Variants in GMDS observed in about 807,000 individuals in gnomAD.
GMDS encodes the protein GDP-mannose 4,6-dehydratase.
A neutral mutation model predicts 49.9 loss-of-function variants in GMDS; 20 were observed. The observed-to-expected ratio is 0.40, with a 90% CI of 0.28 to 0.58. The LOEUF is 0.58. Ranked by LOEUF, GMDS falls within the 20% of genes least tolerant of loss-of-function variation. The probability of loss-of-function intolerance (pLI) is 0.42; values close to 1 mark genes in which losing one functional copy is unlikely to be tolerated. For missense variants in GMDS, 362 were observed against 481.4 expected, an observed-to-expected ratio of 0.75 and a Z score of 2.32; for synonymous variants, 177 against 178.6, an observed-to-expected ratio of 0.99 and a Z score of 0.07.
At chr6:1,756,325 G>A (rs1218887552) in intron 7 of GMDS, among the ~76,000 whole-genome samples, 3 of 150,394 alleles carry the variant, frequency 2.0e-5, no homozygotes, top group Non-Finnish European at 2.9e-5. Flanking sequence ...GTACAATGGC[G>A]CAATCTCAGC....
At chr6:1,789,536 T>C (rs1417594784) in intron 7 of GMDS, among the ~76,000 whole-genome samples, 64 of 42,760 alleles carry the variant, frequency 1.5e-3, no homozygotes, top group Admixed American at 9.5e-3. Context: ...TTTTTTCTTT[T>C]TTTTTTTTTT....
intron 9 of GMDS, among the ~76,000 whole-genome samples, chr6:1,673,540 T>C (rs1435122321): frequency 1.3e-5 from 2 of 152,052 alleles, no homozygotes; most frequent in African/African-American, 4.8e-5. Flanking sequence ...ACTGATGAAC[T>C]GATATTATTA....
intron 4 of GMDS, among the ~76,000 whole-genome samples, chr6:2,114,383 T>G (rs1774726431): frequency 6.6e-6 from 1 of 152,042 alleles, no homozygotes; most frequent in South Asian, 2.1e-4. Flanking sequence ...CTACCTCAAT[T>G]AGGGAAAAAT....
intron 2 of GMDS, among the ~76,000 whole-genome samples, chr6:2,124,310 A>G (rs921336600): frequency 1.3e-5 from 2 of 152,152 alleles, no homozygotes; most frequent in South Asian, 2.1e-4. Flanking sequence ...CTTGGTTTTT[A>G]TTGTTCTCTG....
chr6:1,860,750 G>A (rs1758144603), intron 7 of GMDS, among the ~76,000 whole-genome samples: 1 of 152,144 alleles, frequency 6.6e-6, no homozygotes, highest in South Asian at 2.1e-4. Flanking sequence ...CACAGGTTTG[G>A]GTTGTAGGAA....
chr6:2,093,417 C>T (rs1245710851), intron 4 of GMDS, among the ~76,000 whole-genome samples: 1 of 152,098 alleles, frequency 6.6e-6, no homozygotes, highest in African/African-American at 2.4e-5. Flanking sequence ...AAGAAACATT[C>T]AGGGTGTTTC....
At chr6:1,985,426 T>C (rs776941015) in intron 4 of GMDS, among the ~76,000 whole-genome samples, 13 of 151,776 alleles carry the variant, frequency 8.6e-5, no homozygotes, top group Non-Finnish European at 1.5e-4. Context: ...AAAGAACCAA[T>C]AAGAACTATT....
At chr6:1,997,786 C>T (rs1766386919) in intron 4 of GMDS, among the ~76,000 whole-genome samples, 1 of 152,112 alleles carries the variant, frequency 6.6e-6, no homozygotes, top group Admixed American at 6.5e-5. Flanking sequence ...CATCGAGGGG[C>T]ACCTGCCAAC....
At chr6:2,035,341 C>G (rs1180871905) in intron 4 of GMDS, among the ~76,000 whole-genome samples, 2 of 152,160 alleles carry the variant, frequency 1.3e-5, no homozygotes, top group Non-Finnish European at 2.9e-5. Flanking sequence ...TCTCCATTTC[C>G]CAGAGCTCAA....
intron 1 of GMDS, among the ~76,000 whole-genome samples, chr6:2,200,832 A>G (rs562520854): frequency 6.0e-4 from 87 of 144,436 alleles, no homozygotes; most frequent in Non-Finnish European, 1.1e-3. Flanking sequence ...AGATGTAACC[A>G]TCTAGGCAGT....
intron 7 of GMDS, among the ~76,000 whole-genome samples, chr6:1,781,705 C>A (rs991366046): frequency 2.0e-5 from 3 of 152,190 alleles, no homozygotes; most frequent in African/African-American, 7.2e-5. Flanking sequence ...CTGAAATGAA[C>A]CCTGCTGGTC....
Position 2,117,478 on chromosome 6 carries a change from T to C in GMDS, c.226A>G (p.Ile76Val), listed in dbSNP as rs1341202805. Residue 76 changes from isoleucine to valine, a missense_variant, in exon 3 of 11, where the codon ATT becomes GTT. By Grantham distance (29) the Ile-to-Val change is conservative. Transcript: ENST00000380815. ...AAAGAAAATGACTTACTTCCTTCAA[T>C]GTGAGCCTGGGGATTCTTATACAGA... ...EHLYKNPQAH[I>V]EGNMKLHYGD... The C allele has an allele frequency of 7.6e-6, 12 of 1,573,474 alleles. No individual in the cohort carries two copies. Among genetic ancestry groups the C allele is most frequent in the African/African-American group, 1.3e-5 (1 of 74,182 alleles).
At chr6:1,726,916 CT>C (rs915737762) in intron 8 of GMDS, among the ~76,000 whole-genome samples, 28 of 150,640 alleles carry the variant, frequency 1.9e-4, no homozygotes, top group African/African-American at 4.6e-4. Context: ...TCTGTCTTCC[CT>C]TTTTTTTTCT....
At chr6:1,676,337 C>T (rs1198820244) in intron 9 of GMDS, among the ~76,000 whole-genome samples, 5 of 152,252 alleles carry the variant, frequency 3.3e-5, no homozygotes, top group East Asian at 3.9e-4. Context: ...GAATCAATAT[C>T]GTGAAAATGG....
chr6:1,878,314 C>CAAAAAAA (rs11463549), intron 7 of GMDS, among the ~76,000 whole-genome samples: 4 of 72,542 alleles, frequency 5.5e-5, no homozygotes, highest in Non-Finnish European at 7.5e-5. Context: ...GAATCCATCT[C>CAAAAAAA]AAAAAAAAAA....
At chr6:2,130,513 T>TC (rs1173301945) in intron 1 of GMDS, among the ~76,000 whole-genome samples, 1 of 152,184 alleles carries the variant, frequency 6.6e-6, no homozygotes, top group Non-Finnish European at 1.5e-5. Context: ...AAACAGGTGC[T>TC]CAGTGGTTGC....
At chr6:2,126,352 G>A (rs1465927287) in intron 1 of GMDS, among the ~76,000 whole-genome samples, 2 of 152,016 alleles carry the variant, frequency 1.3e-5, no homozygotes, top group Admixed American at 6.6e-5. Context: ...GGACGTTTGG[G>A]TTTTCTTCGG....
intron 4 of GMDS, among the ~76,000 whole-genome samples, chr6:2,040,153 C>A (rs1769583163): frequency 6.6e-6 from 1 of 152,168 alleles, no homozygotes; most frequent in Non-Finnish European, 1.5e-5. Context: ...CTCCTCATTG[C>A]CCAAGTGAGA....
intron 6 of GMDS, among the ~76,000 whole-genome samples, chr6:1,957,404 A>T (rs924572277): frequency 1.3e-5 from 2 of 152,226 alleles, no homozygotes; most frequent in Admixed American, 1.3e-4. Flanking sequence ...GATTAATTTA[A>T]TCTGAAAATT....
Sources: allele counts gnomAD v4.1 joint callset (sites outside exome capture counted in the v4.1 genomes callset), GRCh38; gene constraint gnomAD v4.1.1; transcripts MANE v1.5; gene names NCBI Gene and HGNC (gene_info 2026-07-23, HGNC 2026-07-21).